The following TNFRSF21 variants were observed in gnomAD, a reference collection of about 807,000 sequenced individuals.
TNFRSF21 encodes TNF receptor superfamily member 21.
TNFRSF21 carries 19 observed loss-of-function variants against 45.6 expected under a neutral mutation model. The ratio of observed to expected loss-of-function variants is 0.42; its 90% CI spans 0.29 to 0.61. The LOEUF (loss-of-function observed/expected upper bound fraction) is 0.61, where lower values mean the gene tolerates loss of function less well. Ranked by LOEUF, TNFRSF21 falls within the 20% of genes least tolerant of loss-of-function variation. TNFRSF21 has a pLI of 0.23. For missense variants in TNFRSF21, 737 were observed against 851.5 expected (o/e 0.87, Z 1.67); for synonymous variants, 314 against 335.5 (o/e 0.94, Z 0.70).
intron 1 of TNFRSF21, among the ~76,000 whole-genome samples, chr6:47,299,000 T>C (rs1027485504): frequency 2.0e-5 from 3 of 152,192 alleles, no homozygotes; most frequent in Admixed American, 6.5e-5. Context: ...AACATACTAA[T>C]GTAGTTCTTA....
In TNFRSF21 at chr6:47,286,104, G is replaced by A. The variant is rs760382561; in HGVS notation, c.588C>T (p.Asn196=). The part of the protein sequence containing the change: ...CKAYTDCLSQ[N]LVVIKPGTKE... ...TGGTCCCCGGCTTGATCACCACCAG[G>A]TTCTGACTCAGACAGTCTGTGTATG... The change falls in exon 2 of 6, where the codon AAC becomes AAT. Residue 196 remains asparagine (N), a synonymous_variant. Transcript: ENST00000296861. 4 of 1,614,196 alleles carry A rather than the reference G, an allele frequency of 2.5e-6. No homozygotes were observed. Among genetic ancestry groups the A allele is most frequent in the Non-Finnish European group, 3.4e-6 (4 of 1,180,040 alleles).
chr6:47,279,436 G>A (rs186137463), intron 3 of TNFRSF21, among the ~76,000 whole-genome samples: 47 of 152,310 alleles, frequency 3.1e-4, no homozygotes, highest in Admixed American at 1.5e-3. Flanking sequence ...GAACAAAGTG[G>A]CTGTTTGCAG....
rs549064776 is a variant in TNFRSF21 at position 47,275,725 on chromosome 6, T to C, written c.1243+8213A>G. Among the ~76,000 whole-genome samples the C allele has an allele frequency of 2.6e-5, 4 of 152,278 alleles. No homozygotes were observed. The East Asian group carries it at 7.7e-4, about 29-fold the overall frequency. On this transcript the variant is annotated intron_variant, in intron 3 of 5. Coordinates refer to ENST00000296861, the MANE Select transcript of TNFRSF21 (RefSeq NM_014452.5). ...CAGAGTTATTACACATTCTCTTGGT[T>C]TTCCCCCAACCCTGTGACCTAATTT... is the stretch of plus-strand genomic sequence containing the variant.
intron 1 of TNFRSF21, among the ~76,000 whole-genome samples, chr6:47,299,980 G>C (rs1456309027): frequency 1.3e-5 from 2 of 152,156 alleles, no homozygotes; most frequent in Non-Finnish European, 1.5e-5. Context: ...CACACCTTGG[G>C]GAAACAACCA....
chr6:47,302,150 G>A (rs1191617968), intron 1 of TNFRSF21, among the ~76,000 whole-genome samples: 5 of 152,188 alleles, frequency 3.3e-5, no homozygotes, highest in African/African-American at 9.7e-5. Flanking sequence ...ACGAAGCGAT[G>A]TTTAAAAGCT....
chr6:47,256,973 G>A (rs1169662219), intron 3 of TNFRSF21, among the ~76,000 whole-genome samples: 4 of 152,122 alleles, frequency 2.6e-5, no homozygotes, highest in African/African-American at 9.7e-5. Context: ...GTGTACAATG[G>A]AGAAACTCAC....
At chr6:47,301,424 AG>A (rs1380755845) in intron 1 of TNFRSF21, among the ~76,000 whole-genome samples, 1 of 152,204 alleles carries the variant, frequency 6.6e-6, no homozygotes, top group Non-Finnish European at 1.5e-5. Flanking sequence ...ACCCAAGAGG[AG>A]AGAGGAGTCA....
In TNFRSF21 at chr6:47,288,901, A is replaced by G. The variant is rs1762683985; in HGVS notation, c.97-2306T>C. Among the ~76,000 whole-genome samples the G allele has an allele frequency of 2.0e-5, 3 of 152,224 alleles. No individual in the cohort carries two copies. The South Asian group carries it at 6.2e-4, about 32-fold the overall frequency. On this transcript the variant is annotated intron_variant, in intron 1 of 5. Transcript: ENST00000296861. ...CACCCTGTTTGCTCAGCCTTTGAAG[A>G]CCATAGCTACGAAAGCATGGGCCTG...
At chr6:47,281,056 A>G (rs1197664044) in intron 3 of TNFRSF21, among the ~76,000 whole-genome samples, 1 of 152,160 alleles carries the variant, frequency 6.6e-6, no homozygotes, top group Non-Finnish European at 1.5e-5. Flanking sequence ...ACTGGATCCT[A>G]CACTAGAGAA....
At chr6:47,241,779 T>C (rs892629058) in intron 4 of TNFRSF21, among the ~76,000 whole-genome samples, 1 of 152,204 alleles carries the variant, frequency 6.6e-6, no homozygotes, top group Non-Finnish European at 1.5e-5. Context: ...GTCAAGTAAC[T>C]TTAAGAGAAA....
rs147921245 is a variant in TNFRSF21, at chr6:47,306,612, T to C, written c.96+2804A>G. On this transcript the variant is annotated intron_variant, in intron 1 of 5. Coordinates refer to ENST00000296861, the MANE Select transcript of TNFRSF21 (RefSeq NM_014452.5). Reference sequence around the variant, plus strand: ...GTAGCAATTGCTCTCTCTATACATATACAATTGCTATATACATGTGTATAT... The same window carrying C: ...GTAGCAATTGCTCTCTCTATACATACACAATTGCTATATACATGTGTATAT... Among the ~76,000 whole-genome samples, 243 of 152,352 alleles carry C rather than the reference T, an allele frequency of 1.6e-3. 2 individuals carry two copies. Among genetic ancestry groups the C allele is most frequent in the African/African-American group, 5.4e-3 (225 of 41,582 alleles).
intron 4 of TNFRSF21, among the ~76,000 whole-genome samples, chr6:47,244,045 G>T (rs1490563708): frequency 6.6e-6 from 1 of 152,206 alleles, no homozygotes; most frequent in Non-Finnish European, 1.5e-5. Context: ...CTTCAGGCTG[G>T]GCGCGGTGGC....
chr6:47,249,922 G>C (rs1172602878), intron 4 of TNFRSF21, among the ~76,000 whole-genome samples: 1 of 151,808 alleles, frequency 6.6e-6, no homozygotes, highest in Non-Finnish European at 1.5e-5. Flanking sequence ...TATTCCAAGA[G>C]AAAGCAAGAA....
chr6:47,276,934 A>C (rs1043651097), intron 3 of TNFRSF21, among the ~76,000 whole-genome samples: 3 of 152,132 alleles, frequency 2.0e-5, no homozygotes, highest in African/African-American at 7.2e-5. Context: ...CTTCCTAATA[A>C]GCTCCTTTAA....
At chr6:47,285,313 C>A (rs755103836) in intron 2 of TNFRSF21, among the ~76,000 whole-genome samples, 1 of 152,100 alleles carries the variant, frequency 6.6e-6, no homozygotes, top group African/African-American at 2.4e-5. Flanking sequence ...TGATGGAAAA[C>A]TTGAATAATT....
intron 3 of TNFRSF21, among the ~76,000 whole-genome samples, chr6:47,283,351 G>C (rs547229168): frequency 1.2e-4 from 18 of 152,268 alleles, no homozygotes; most frequent in African/African-American, 4.1e-4. Context: ...TGCTTCTGGG[G>C]TCTACAATCC....
rs1764592723 is a variant in TNFRSF21, at chr6:47,232,150, C to G, written c.*615G>C. ...GTTTCAGCCATGAATATGAACTATA[C>G]AAGACATATTTAAAAGATAACTCAA... is the stretch of plus-strand genomic sequence containing the variant. On this transcript the variant is annotated 3_prime_UTR_variant, in exon 6 of 6. Coordinates refer to ENST00000296861, the MANE Select transcript of TNFRSF21 (RefSeq NM_014452.5). 6.6e-6 allele frequency: 1 copy of G among 152,514 alleles called. No homozygotes were observed. Among genetic ancestry groups the G allele is most frequent in the African/African-American group, 2.4e-5 (1 of 41,406 alleles). 9.4% of individuals were successfully genotyped at this position (152,514 alleles called of 1,614,324 possible). A position where few individuals can be genotyped will look rare whatever the true frequency, so the allele number is the denominator to read the frequency against.
At chr6:47,285,911 T>C (rs1333607944) in intron 2 of TNFRSF21, 33 bp downstream of exon 2, 2 of 1,602,214 alleles carry the variant, frequency 1.2e-6, no homozygotes, top group Non-Finnish European at 1.7e-6. Context: ...CTCAAAGCCT[T>C]CCTCAAATAA....
At chr6:47,255,134 A>G (rs962438782) in intron 3 of TNFRSF21, among the ~76,000 whole-genome samples, 1 of 152,224 alleles carries the variant, frequency 6.6e-6, no homozygotes, top group Non-Finnish European at 1.5e-5. Context: ...CTCAGCAGTC[A>G]CTTGAAAACC....
Sources: allele counts gnomAD v4.1 joint callset (sites outside exome capture counted in the v4.1 genomes callset), GRCh38; gene constraint gnomAD v4.1.1; transcripts MANE v1.5; gene names NCBI Gene and HGNC (gene_info 2026-07-23, HGNC 2026-07-21).